MYRIP: variants seen among roughly 807,000 people sequenced by gnomAD.
MYRIP encodes the protein rab effector MyRIP.
In MYRIP, 49 loss-of-function variants were observed where a neutral mutation model predicts 98.0. The ratio of observed to expected loss-of-function variants is 0.50; its 90% CI spans 0.40 to 0.63. MYRIP has a LOEUF of 0.63. Among genes scored for constraint, MYRIP ranks in the 30% least tolerant of loss-of-function variants. MYRIP has a pLI of 0.00. For missense variants in MYRIP, 1,004 were observed against 1,058.2 expected (o/e 0.95, Z 0.71); for synonymous variants, 404 against 409.5 (o/e 0.99, Z 0.16).
chr3:39,995,007 G>C (rs931123939), intron 2 of MYRIP, among the ~76,000 whole-genome samples: 1 of 151,996 alleles, frequency 6.6e-6, no homozygotes, highest in African/African-American at 2.4e-5. Context: ...CTAAAAAACA[G>C]AAAGGACATC....
intron 4 of MYRIP, among the ~76,000 whole-genome samples, chr3:40,157,456 C>CT (rs1950269634): frequency 6.6e-6 from 1 of 150,594 alleles, no homozygotes; most frequent in Admixed American, 6.6e-5. Context: ...CTAAAATTCT[C>CT]TTTTTTGGTT....
At chr3:40,024,319 G>A (rs1256695630) in intron 2 of MYRIP, among the ~76,000 whole-genome samples, 3 of 152,194 alleles carry the variant, frequency 2.0e-5, no homozygotes, top group African/African-American at 7.2e-5. Flanking sequence ...TGTGAAGATA[G>A]TGATTGTCAA....
At chr3:39,954,978 AAGAG>A (rs1030953488) in intron 2 of MYRIP, among the ~76,000 whole-genome samples, 2 of 152,196 alleles carry the variant, frequency 1.3e-5, no homozygotes, top group East Asian at 1.9e-4. Flanking sequence ...TAGAAAAAAA[AAGAG>A]AGAAAAGAAA....
At chr3:39,818,266 C>A in intron 1 of MYRIP, among the ~76,000 whole-genome samples, 1 of 152,062 alleles carries the variant, frequency 6.6e-6, no homozygotes, top group South Asian at 2.1e-4. Context: ...TTTATCTTGC[C>A]ATCGGTAGTA....
intron 4 of MYRIP, among the ~76,000 whole-genome samples, chr3:40,155,681 A>G (rs1325590441): frequency 6.6e-6 from 1 of 151,708 alleles, no homozygotes; most frequent in Non-Finnish European, 1.5e-5. Flanking sequence ...AATGATTGCC[A>G]TTCTAACTGG....
chr3:40,102,128 T>C (rs989228055), intron 3 of MYRIP, among the ~76,000 whole-genome samples: 3 of 152,218 alleles, frequency 2.0e-5, no homozygotes, highest in African/African-American at 7.2e-5. Context: ...CACTCACTAA[T>C]ATGTTTCCTG....
intron 1 of MYRIP, among the ~76,000 whole-genome samples, chr3:39,871,036 C>G (rs1371921879): frequency 1.3e-5 from 2 of 152,196 alleles, no homozygotes; most frequent in Non-Finnish European, 2.9e-5. Context: ...GGTGGGCTGT[C>G]AGACCAACAG....
intron 1 of MYRIP, among the ~76,000 whole-genome samples, chr3:39,830,726 A>T (rs933748116): frequency 6.6e-6 from 1 of 152,006 alleles, no homozygotes; most frequent in African/African-American, 2.4e-5. Flanking sequence ...CATGTTTCTC[A>T]TGGGCTTACA....
intron 8 of MYRIP, among the ~76,000 whole-genome samples, chr3:40,174,952 G>C (rs1252338571): frequency 1.3e-5 from 2 of 152,008 alleles, no homozygotes; most frequent in African/African-American, 4.8e-5. Flanking sequence ...GACCATCCTG[G>C]CTAACATGGT....
chr3:39,832,953 C>T (rs1406748743), intron 1 of MYRIP, among the ~76,000 whole-genome samples: 1 of 152,096 alleles, frequency 6.6e-6, no homozygotes, highest in Non-Finnish European at 1.5e-5. Context: ...TATCATAGTC[C>T]TCTGTGAAAT....
At chr3:39,919,503 C>T (rs569621514) in intron 2 of MYRIP, among the ~76,000 whole-genome samples, 2 of 152,342 alleles carry the variant, frequency 1.3e-5, no homozygotes, top group African/African-American at 4.8e-5. Flanking sequence ...ATCTGCCACT[C>T]CCACTTCCCT....
At chr3:40,032,009 G>C (rs1417216469) in intron 2 of MYRIP, among the ~76,000 whole-genome samples, 1 of 152,046 alleles carries the variant, frequency 6.6e-6, no homozygotes, top group Non-Finnish European at 1.5e-5. Flanking sequence ...TCTGATTTTA[G>C]TTATTTCATG....
At chr3:40,087,524 G>C (rs1253134747) in intron 3 of MYRIP, among the ~76,000 whole-genome samples, 2 of 152,194 alleles carry the variant, frequency 1.3e-5, no homozygotes, top group African/African-American at 4.8e-5. Flanking sequence ...CATTTATCTA[G>C]TGTGAATGTA....
At chr3:40,100,504 A>G (rs559876949) in intron 3 of MYRIP, among the ~76,000 whole-genome samples, 84 of 152,336 alleles carry the variant, frequency 5.5e-4, no homozygotes, top group African/African-American at 1.9e-3. Context: ...ATATGGGTGG[A>G]AAAAGTATTT....
chr3:39,859,078 A>G (rs1335339406), intron 1 of MYRIP, among the ~76,000 whole-genome samples: 1 of 151,302 alleles, frequency 6.6e-6, no homozygotes, highest in East Asian at 1.9e-4. Flanking sequence ...GAAAAACAAT[A>G]GAAAAGACCA....
At chr3:39,867,463 A>G (rs1440713014) in intron 1 of MYRIP, among the ~76,000 whole-genome samples, 2 of 138,434 alleles carry the variant, frequency 1.4e-5, no homozygotes, top group African/African-American at 5.7e-5. Flanking sequence ...GAACTTATAT[A>G]ATGCAATAGC....
At chr3:39,875,533 A>G (rs1344146179) in intron 1 of MYRIP, among the ~76,000 whole-genome samples, 2 of 151,754 alleles carry the variant, frequency 1.3e-5, no homozygotes, top group Non-Finnish European at 2.9e-5. Flanking sequence ...AGATTCTGGT[A>G]TGTTGTGTCT....
Position 40,244,583 on chromosome 3 carries a change from C to A in MYRIP, c.2238C>A (p.Ala746=). The A allele has an allele frequency of 6.2e-7, 1 of 1,613,352 alleles. No homozygotes were observed. The highest frequency in any genetic ancestry group is 8.5e-7 in the Non-Finnish European group (1 of 1,179,646). Residue 746 remains alanine (A), a synonymous_variant, in exon 13 of 17, where the codon GCC becomes GCA. Coordinates refer to ENST00000302541, the MANE Select transcript of MYRIP (RefSeq NM_015460.4). ...DLEDQVATAA[A]QVHHAELQIS... is the part of the protein sequence containing the mutation. ...AGGACCAGGTGGCCACGGCTGCAGC[C>A]CAAGTCCACCATGCTGAACTCCAGG... is the stretch of plus-strand genomic sequence containing the variant.
At position 40,019,926 on chromosome 3, in the gene MYRIP, G is replaced by T. The variant is rs145548083; in HGVS notation, c.111-24124G>T. On this transcript the variant is annotated intron_variant, in intron 2 of 16. Coordinates refer to ENST00000302541, the MANE Select transcript of MYRIP (RefSeq NM_015460.4). ...GCAAGATGATAAGGATATATGTTTT[G>T]AACTGACATCTTTTAGGATTATTTT... is the stretch of plus-strand genomic sequence containing the variant. 7.7e-3 allele frequency among the ~76,000 whole-genome samples: 1,168 copies of T among 152,200 alleles called. 14 individuals carry two copies. Among genetic ancestry groups the T allele is most frequent in the African/African-American group, 0.026 (1,097 of 41,536 alleles).
Sources: gnomAD v4.1 joint callset for allele counts (sites outside exome capture counted in the v4.1 genomes callset) on GRCh38, gnomAD v4.1.1 for gene constraint, MANE v1.5 for transcripts, NCBI Gene and HGNC (gene_info 2026-07-23, HGNC 2026-07-21) for gene names.